The following PCDHA5 variants were observed in gnomAD, a reference collection of about 807,000 sequenced individuals.
PCDHA5 encodes protocadherin alpha-5.
In PCDHA5, 43 loss-of-function variants were observed where a neutral mutation model predicts 61.6. That is an observed-to-expected ratio of 0.70 (90% confidence interval 0.55 to 0.90). The LOEUF is 0.90. Among genes scored for constraint, PCDHA5 ranks in the 40% least tolerant of loss-of-function variants. The pLI is 0.00. For missense variants in PCDHA5, 1,298 were observed against 1,222.7 expected (o/e 1.06, Z -0.92); for synonymous variants, 627 against 543.9 (o/e 1.15, Z -2.13).
At chr5:141,003,404 C>T (rs1220823523) in intron 3 of PCDHA5, among the ~76,000 whole-genome samples, 4 of 152,138 alleles carry the variant, frequency 2.6e-5, no homozygotes, top group African/African-American at 4.8e-5. Context: ...CTCCGCCTCC[C>T]GGGTTCGAGT....
intron 1 of PCDHA5, chr5:140,871,311 C>A (rs782501180): frequency 6.2e-7 from 1 of 1,613,922 alleles, no homozygotes; most frequent in African/African-American, 1.3e-5. Flanking sequence ...CGGGGAAGCC[C>A]ACGCTGGTGT....
Position 140,884,432 on chromosome 5 carries a change from C to A in PCDHA5, c.2352+60305C>A, listed in dbSNP as rs782413139. ...CACGTTGCTGCTGTATACTGCGCTG[C>A]GGTGCTCGGCACCGCCCACCGAGGG... On this transcript the variant is annotated intron_variant, in intron 1 of 3. Coordinates refer to ENST00000529859, the MANE Select transcript of PCDHA5 (RefSeq NM_018908.3). The A allele has an allele frequency of 4.3e-6, 7 of 1,613,764 alleles. No individual in the cohort carries two copies. The highest frequency in any genetic ancestry group is 5.1e-6 in the Non-Finnish European group (6 of 1,179,866).
At chr5:140,966,405 A>G (rs562045428) in intron 1 of PCDHA5, 6 of 404,248 alleles carry the variant, frequency 1.5e-5, no homozygotes, top group African/African-American at 1.2e-4. Context: ...TCGGCGCGGA[A>G]TCAGAGCAGG....
intron 1 of PCDHA5, chr5:140,869,342 A>G (rs782505088): frequency 1.2e-6 from 2 of 1,614,050 alleles, no homozygotes; most frequent in Admixed American, 3.3e-5. Flanking sequence ...GTAAATCTGC[A>G]GAATGGCATT....
At chr5:140,940,572 C>G (rs1315567614) in intron 1 of PCDHA5, among the ~76,000 whole-genome samples, 1 of 152,096 alleles carries the variant, frequency 6.6e-6, no homozygotes, top group African/African-American at 2.4e-5. Context: ...CCTTGGCTCC[C>G]AAAGTGTTGG....
chr5:140,981,924 C>T (rs2096957761), intron 2 of PCDHA5, among the ~76,000 whole-genome samples: 1 of 151,968 alleles, frequency 6.6e-6, no homozygotes, highest in African/African-American at 2.4e-5. Flanking sequence ...TCAAGTTTCT[C>T]TAGTCTCAGG....
chr5:140,851,325 T>G (rs2042028843), intron 1 of PCDHA5: 3 of 984,014 alleles, frequency 3.0e-6, no homozygotes, highest in South Asian at 4.6e-5. Context: ...TTGTTAAGTT[T>G]GTAGTTCTCT....
At chr5:140,917,370 C>T (rs571895312) in intron 1 of PCDHA5, among the ~76,000 whole-genome samples, 1 of 150,338 alleles carries the variant, frequency 6.7e-6, no homozygotes, top group Non-Finnish European at 1.5e-5. Context: ...CTATCTTGCT[C>T]CACCTCAATA....
intron 1 of PCDHA5, chr5:140,834,498 G>A (rs2150219814): frequency 6.2e-7 from 1 of 1,614,130 alleles, no homozygotes; most frequent in East Asian, 2.2e-5. Flanking sequence ...CCCCGAGGAG[G>A]CTAAACATGG....
chr5:140,881,318 C>G (rs970806128), intron 1 of PCDHA5: 20 of 977,252 alleles, frequency 2.0e-5, no homozygotes, highest in East Asian at 2.3e-4. Context: ...TGGTTAAATT[C>G]TATTTAACCA....
At chr5:140,920,294 A>T (rs1554199563) in intron 1 of PCDHA5, among the ~76,000 whole-genome samples, 9 of 152,206 alleles carry the variant, frequency 5.9e-5, no homozygotes. Context: ...TTTTAGAGGC[A>T]CTAAGAGAAA....
intron 1 of PCDHA5, among the ~76,000 whole-genome samples, chr5:140,911,657 ACTC>A (rs782570659): frequency 1.1e-4 from 16 of 151,986 alleles, no homozygotes; most frequent in Non-Finnish European, 1.6e-4. Flanking sequence ...GAGTTACTAA[ACTC>A]CTTGCCTCTC....
At chr5:140,858,468 G>T in intron 1 of PCDHA5, 1 of 1,521,202 alleles carries the variant, frequency 6.6e-7, no homozygotes, top group Non-Finnish European at 8.9e-7. Context: ...TTCCTTTTGT[G>T]CTTTATGAAT....
chr5:140,854,013 T>A, intron 1 of PCDHA5: 16 of 343,618 alleles, frequency 4.7e-5, no homozygotes, highest in Non-Finnish European at 6.8e-5. Context: ...AAAAAAAAAA[T>A]TAGCCGGGCA....
chr5:140,863,393 C>T (rs782189753), intron 1 of PCDHA5: 2 of 924,736 alleles, frequency 2.2e-6, no homozygotes, highest in African/African-American at 1.7e-5. Context: ...TCGTGCATGC[C>T]GGGCAAGCCC....
chr5:140,853,458 T>C (rs17119248), intron 1 of PCDHA5: 56,285 of 974,400 alleles, frequency 0.058, 6,090 homozygotes, highest in Middle Eastern at 0.078. Context: ...GGTCTCCTTA[T>C]ATGCATCTGT....
intron 1 of PCDHA5, among the ~76,000 whole-genome samples, chr5:140,924,825 G>A (rs1282051408): frequency 1.3e-5 from 2 of 151,514 alleles, no homozygotes; most frequent in African/African-American, 4.9e-5. Flanking sequence ...AACCTGGGAG[G>A]GGGAGGTTGC....
intron 1 of PCDHA5, chr5:140,829,434 T>C: frequency 6.2e-7 from 1 of 1,613,976 alleles, no homozygotes. Flanking sequence ...GTGGCCGACA[T>C]GAATGACAAT....
chr5:140,841,745 G>C, intron 1 of PCDHA5: 1 of 1,613,898 alleles, frequency 6.2e-7, no homozygotes, highest in Non-Finnish European at 8.5e-7. Flanking sequence ...AAAGCTGTTT[G>C]TTTCAGAATC....
Sources: gnomAD v4.1 joint callset for allele counts (sites outside exome capture counted in the v4.1 genomes callset) on GRCh38, gnomAD v4.1.1 for gene constraint, MANE v1.5 for transcripts, NCBI Gene and HGNC (gene_info 2026-07-23, HGNC 2026-07-21) for gene names.